LRP2BP: variants seen among roughly 807,000 people sequenced by gnomAD.
LRP2BP encodes the protein LRP2-binding protein.
In LRP2BP, 38 loss-of-function variants were observed where a neutral mutation model predicts 45.2. The observed-to-expected ratio is 0.84, with a 90% CI of 0.65 to 1.10. The LOEUF (loss-of-function observed/expected upper bound fraction) is 1.10. Ranked by LOEUF, LRP2BP falls within the 50% of genes least tolerant of loss-of-function variation. LRP2BP has a pLI of 0.00. For synonymous variants in LRP2BP, 153 were observed against 153.9 expected, an observed-to-expected ratio of 0.99 and a Z score of 0.04; for missense variants, 385 against 418.9, an observed-to-expected ratio of 0.92 and a Z score of 0.71.
intron 2 of LRP2BP, chr4:185,377,506 G>A (rs1482850073): frequency 1.8e-5 from 3 of 166,478 alleles, no homozygotes; most frequent in Admixed American, 5.7e-5. Flanking sequence ...CAACAAGAGC[G>A]AAACTCCATC....
At chr4:185,376,553 C>T (rs577139152) in intron 3 of LRP2BP, among the ~76,000 whole-genome samples, 82 of 151,818 alleles carry the variant, frequency 5.4e-4, no homozygotes, top group African/African-American at 1.9e-3. Context: ...CTCGGCCTCC[C>T]GAAGTACTGG....
intron 6 of LRP2BP, 26 bp from the exon 7 acceptor site, chr4:185,373,105 G>A (rs918915876): frequency 6.4e-7 from 1 of 1,571,696 alleles, no homozygotes; most frequent in Non-Finnish European, 8.7e-7. Flanking sequence ...TTTCATCATT[G>A]TATTTGTGAT....
chr4:185,396,574 C>T (rs1215206664), upstream of LRP2BP: 1 of 306,104 alleles, frequency 3.3e-6, no homozygotes, highest in African/African-American at 2.2e-5. Context: ...GTGGGGCCGC[C>T]GCGGGCCCCG....
At chr4:185,386,294 T>C (rs1163237614) in intron 1 of LRP2BP, among the ~76,000 whole-genome samples, 1 of 152,102 alleles carries the variant, frequency 6.6e-6, no homozygotes, top group Non-Finnish European at 1.5e-5. Flanking sequence ...GGGTATGAAA[T>C]AAATGAACAA....
At chr4:185,371,161 G>C (rs1440570813) in intron 7 of LRP2BP, 1 of 196,652 alleles carries the variant, frequency 5.1e-6, no homozygotes, top group Non-Finnish European at 1.1e-5. Context: ...CTATTTCTTT[G>C]GATCACGTAT....
chr4:185,395,976 A>C (rs1325212688), upstream of LRP2BP: 3 of 931,124 alleles, frequency 3.2e-6, no homozygotes, highest in Non-Finnish European at 2.6e-6. Flanking sequence ...GTCATGTTCT[A>C]CAAAAAGCAG....
rs1476530930 is a variant in LRP2BP at position 185,365,003 on chromosome 4, AGTGTGTGTGTGTGTAT to A, written c.*2161_*2176del. Reference sequence around the variant, plus strand: ...CAGCTACAAGGAATCTTAGAGAAGGAGTGTGTGTGTGTGTATGTGTGTGTGTGTGTGTGTGTGTAAG... The same window carrying A: ...CAGCTACAAGGAATCTTAGAGAAGGAGTGTGTGTGTGTGTGTGTGTGTAAG... On this transcript the variant is annotated 3_prime_UTR_variant, in exon 9 of 9. Transcript: ENST00000505916. 7.1e-5 allele frequency: 10 copies of A among 140,122 alleles called. No individual in the cohort carries two copies. The highest frequency in any genetic ancestry group is 6.3e-4 in the Admixed American group (9 of 14,308). 8.7% of individuals were successfully genotyped at this position (140,122 alleles called of 1,614,324 possible).
chr4:185,370,811 GA>G lies in LRP2BP; in HGVS notation c.806del (p.Ile269ThrfsTer12). 6.2e-7 allele frequency: 1 copy of G among 1,614,028 alleles called. No homozygotes were observed. Among genetic ancestry groups the G allele is most frequent in the Non-Finnish European group, 8.5e-7 (1 of 1,179,970 alleles). ...TGTCGTGAACCTCATCATAGTCAGC[GA>G]TCCTGAGAGGATGTAGAGTTGTGAA... Reference protein sequence around the residue: ...FTKCVAFSKRIADYDEVHDIP... With the variant: ...FTKCVAFSKRXADYDEVHDIP... On this transcript the variant is annotated frameshift_variant and splice_region_variant, in exon 8 of 9. Transcript: ENST00000505916. LOFTEE classifies it high-confidence loss of function.
chr4:185,396,428 AG>A (rs1303095624), upstream of LRP2BP: 16 of 153,878 alleles, frequency 1.0e-4, no homozygotes, highest in African/African-American at 3.9e-4. Flanking sequence ...CTTCTCCGTA[AG>A]GATTAAAGGG....
intron 8 of LRP2BP, chr4:185,370,053 AAACTT>A (rs2095409922): frequency 5.6e-6 from 1 of 178,480 alleles, no homozygotes; most frequent in African/African-American, 2.4e-5. Flanking sequence ...AAAAAAATCT[AAACTT>A]AAGAGTTAGT....
chr4:185,367,782 G>T (rs1318815571), intron 8 of LRP2BP, among the ~76,000 whole-genome samples: 4 of 152,120 alleles, frequency 2.6e-5, no homozygotes, highest in Non-Finnish European at 4.4e-5. Context: ...TATTTGCTTG[G>T]TTGCTTCCAG....
At chr4:185,379,948 C>G (rs2095450835) in intron 1 of LRP2BP, among the ~76,000 whole-genome samples, 1 of 152,206 alleles carries the variant, frequency 6.6e-6, no homozygotes, top group African/African-American at 2.4e-5. Flanking sequence ...CTCAGCCTCC[C>G]AAGTACTTGG....
At position 185,395,483 on chromosome 4, in the gene LRP2BP, T is replaced by C; in HGVS notation, c.-726A>G. On this transcript the variant is annotated 5_prime_UTR_variant, in exon 1 of 9. It removes the in-frame stop codon of an upstream open reading frame in the 5' UTR. Transcript: ENST00000505916. Reference sequence around the variant, plus strand: ...CGAAACTGGCAATATCAACGTGTGCTCACCTCACAAATCTGACAACAGTAT... The same window carrying C: ...CGAAACTGGCAATATCAACGTGTGCCCACCTCACAAATCTGACAACAGTAT... 1 of 985,316 alleles carries C rather than the reference T, an allele frequency of 1.0e-6. No homozygotes were observed. Among genetic ancestry groups the C allele is most frequent in the Non-Finnish European group, 1.2e-6 (1 of 829,786 alleles). The allele number at this position is 985,316 out of a possible 1,614,324, so 61.0% of individuals were successfully genotyped here. A position where few individuals can be genotyped will look rare whatever the true frequency, so the allele number is the denominator to read the frequency against.
intron 1 of LRP2BP, among the ~76,000 whole-genome samples, chr4:185,390,392 G>T (rs1455515890): frequency 6.6e-6 from 1 of 152,008 alleles, no homozygotes; most frequent in Non-Finnish European, 1.5e-5. Flanking sequence ...AGTAGCCCAT[G>T]CCTGTAGTCC....
At position 185,366,581 on chromosome 4, in the gene LRP2BP, G is replaced by A. The variant is rs541298590; in HGVS notation, c.*599C>T. The A allele has an allele frequency of 6.6e-6, 1 of 152,200 alleles. No homozygotes were observed. The highest frequency in any genetic ancestry group is 1.9e-4 in the East Asian group (1 of 5,188). 9.4% of individuals were successfully genotyped at this position (152,200 alleles called of 1,614,324 possible). ...TAAAGGATGTCTCAAAAGGCTTAGT[G>A]CAGTTTTAGCTTTAATAACTTCAGA... On this transcript the variant is annotated 3_prime_UTR_variant, in exon 9 of 9. Transcript: ENST00000505916.
rs1005277926 is a variant in LRP2BP at position 185,365,541 on chromosome 4, A to C, written c.*1639T>G. ...CGGCTAATTTTTGTATTTTTAGTAG[A>C]GACGGGGTTTCACCACGTTGGCCAG... On this transcript the variant is annotated 3_prime_UTR_variant, in exon 9 of 9. Transcript: ENST00000505916. 2 of 151,886 alleles carry C rather than the reference A, an allele frequency of 1.3e-5. No individual in the cohort carries two copies. Among genetic ancestry groups the C allele is most frequent in the African/African-American group, 2.4e-5 (1 of 41,330 alleles). The allele number at this position is 151,886 out of a possible 1,614,324, so 9.4% of individuals were successfully genotyped here. A position where few individuals can be genotyped will look rare whatever the true frequency, so the allele number is the denominator to read the frequency against.
Position 185,365,315 on chromosome 4 carries a change from T to C in LRP2BP, c.*1865A>G, listed in dbSNP as rs1349866684. 2 of 152,166 alleles carry C rather than the reference T, an allele frequency of 1.3e-5. No individual in the cohort carries two copies. The highest frequency in any genetic ancestry group is 2.4e-5 in the African/African-American group (1 of 41,432). The allele number at this position is 152,166 out of a possible 1,614,324, so 9.4% of individuals were successfully genotyped here. On this transcript the variant is annotated 3_prime_UTR_variant, in exon 9 of 9. Transcript: ENST00000505916. Reference sequence around the variant, plus strand: ...TAATGGCAGTTTAAAAAGTGCTCTTTACTTAGGGCCGATCTTTTATTATGT... The same window carrying C: ...TAATGGCAGTTTAAAAAGTGCTCTTCACTTAGGGCCGATCTTTTATTATGT...
At chr4:185,372,495 A>T (rs1436707251) in intron 7 of LRP2BP, among the ~76,000 whole-genome samples, 1 of 152,252 alleles carries the variant, frequency 6.6e-6, no homozygotes, top group East Asian at 1.9e-4. Flanking sequence ...GGCATAGAAC[A>T]TGTAGTAGGC....
Position 185,367,196 on chromosome 4 carries a change from A to G in LRP2BP, c.1028T>C (p.Ile343Thr), listed in dbSNP as rs2095390972. The change falls in exon 9 of 9, where the codon ATT (isoleucine) becomes ACT (threonine). Residue 343 changes from isoleucine (I) to threonine (T), a missense_variant. Transcript: ENST00000505916. ...CATTGTGGTCTAAATTCTTTGACGA[A>G]TAAGTAAGGAGTGAAGTTCATCTGC... ...ALADELHSLL[I>T]RQRI The G allele has an allele frequency of 6.2e-7, 1 of 1,612,934 alleles. No homozygotes were observed. Among genetic ancestry groups the G allele is most frequent in the Non-Finnish European group, 8.5e-7 (1 of 1,179,342 alleles).
Sources: gnomAD v4.1 joint callset for allele counts (sites outside exome capture counted in the v4.1 genomes callset) on GRCh38, gnomAD v4.1.1 for gene constraint, MANE v1.5 for transcripts, NCBI Gene and HGNC (gene_info 2026-07-23, HGNC 2026-07-21) for gene names.